IZUMO2: variants seen among roughly 807,000 people sequenced by gnomAD.
IZUMO2 encodes IZUMO family member 2, also known as izumo sperm-egg fusion protein 2.
IZUMO2 carries 24 observed loss-of-function variants against 31.2 expected under a neutral mutation model. That is an observed-to-expected ratio of 0.77 (90% CI 0.56 to 1.08). The LOEUF (loss-of-function observed/expected upper bound fraction) is 1.08, where lower values mean the gene tolerates loss of function less well. IZUMO2 is among the 50% of genes least tolerant of loss of function. IZUMO2 has a pLI of 0.00. For synonymous variants in IZUMO2, 144 were observed against 117.3 expected, an observed-to-expected ratio of 1.23 and a Z score of -1.47; for missense variants, 278 against 274.0, an observed-to-expected ratio of 1.01 and a Z score of -0.10.
In IZUMO2 at chr19:50,154,264, G is replaced by GTTTTTTTGTTTTTTTTTTTTTT. The variant is rs2030129784; in HGVS notation, c.623+335_623+336insAAAAAAAAAAAAAACAAAAAAA. 7.6e-5 allele frequency among the ~76,000 whole-genome samples: 6 copies of GTTTTTTTGTTTTTTTTTTTTTT among 79,280 alleles called. 3 individuals are homozygous for GTTTTTTTGTTTTTTTTTTTTTT. Among genetic ancestry groups the GTTTTTTTGTTTTTTTTTTTTTT allele is most frequent in the African/African-American group, 2.8e-4 (6 of 21,566 alleles). 52.0% of individuals were successfully genotyped at this position (79,280 alleles called of 152,430 possible). A position where few individuals can be genotyped will look rare whatever the true frequency, so the allele number is the denominator to read the frequency against. ...GCATCCACCAAATATAACTTTTAGC[G>GTTTTTTTGTTTTTTTTTTTTTT]TTTTTTTTTTTTTTTTTTTTTTTTT... is the stretch of plus-strand genomic sequence containing the variant. On this transcript the variant is annotated intron_variant, in intron 6 of 6. Transcript: ENST00000293405.
Position 50,162,814 on chromosome 19 carries a change from C to T in IZUMO2, c.233-1G>A. The T allele has an allele frequency of 6.2e-7, 1 of 1,613,654 alleles. No homozygotes were observed. Among genetic ancestry groups the T allele is most frequent in the Non-Finnish European group, 8.5e-7 (1 of 1,179,906 alleles). ...GCCACAAGGTCCAGTTGATTTGTCT[C>T]TGGGGGGAGAAGGGAGAGGACACTC... On this transcript the variant is annotated splice_acceptor_variant, in intron 1 of 6. Transcript: ENST00000293405. LOFTEE classifies it high-confidence loss of function.
chr19:50,159,502 T>A lies in IZUMO2; in HGVS notation c.386A>T (p.Glu129Val). 1 of 1,607,764 alleles carries A rather than the reference T, an allele frequency of 6.2e-7. No individual in the cohort carries two copies. Among genetic ancestry groups the A allele is most frequent in the South Asian group, 1.1e-5 (1 of 90,898 alleles). Residue 129 changes from glutamate to valine, a missense_variant, in exon 3 of 7, where the codon GAA (glutamate) becomes GTA (valine). Coordinates refer to ENST00000293405, the MANE Select transcript of IZUMO2 (RefSeq NM_152358.3). ...GGAGAGATATGCTGCACCTTTTAAT[T>A]CATATGAAATTAAAACTTTCTTGAA... is the stretch of plus-strand genomic sequence containing the variant. ...KEFKKVLISY[E>V]LKACNPKLCR...
In IZUMO2 at chr19:50,159,581, C is replaced by A; in HGVS notation, c.308-1G>T. On this transcript the variant is annotated splice_acceptor_variant, in intron 2 of 6. Coordinates refer to ENST00000293405, the MANE Select transcript of IZUMO2 (RefSeq NM_152358.3). LOFTEE classifies it high-confidence loss of function. ...ACCAGCTCTTCCAGCAGAGGCTCATCTGAGGAGAGAAAGAGATCTCTGTGG... is the reference window on the plus strand; with the variant it reads ...ACCAGCTCTTCCAGCAGAGGCTCATATGAGGAGAGAAAGAGATCTCTGTGG... The A allele has an allele frequency of 6.2e-7, 1 of 1,607,982 alleles. No individual in the cohort carries two copies. Among genetic ancestry groups the A allele is most frequent in the Non-Finnish European group, 8.5e-7 (1 of 1,174,590 alleles).
rs1442401544 is a variant in IZUMO2 at position 50,163,236 on chromosome 19, C to CAGG, written c.-43_-42insCCT. 6.7e-7 allele frequency: 1 copy of CAGG among 1,487,530 alleles called. No homozygotes were observed. Among genetic ancestry groups the CAGG allele is most frequent in the Non-Finnish European group, 9.1e-7 (1 of 1,098,310 alleles). 92.1% of individuals were successfully genotyped at this position (1,487,530 alleles called of 1,614,324 possible). The stretch of plus-strand genomic sequence containing the variant: ...CGTCACAGAGAGAACCCGGCCCGCC[C>CAGG]CGCCTCCCAGGCGAGGGCGCGGTCA... On this transcript the variant is annotated 5_prime_UTR_variant, in exon 1 of 7. Transcript: ENST00000293405.
chr19:50,152,767 C>T, intron 6 of IZUMO2, 116 bp from the exon 7 acceptor site: 1 of 887,576 alleles, frequency 1.1e-6, no homozygotes, highest in Non-Finnish European at 1.9e-6. Context: ...TGATTTGGCT[C>T]ATCCAGTGAC....
intron 6 of IZUMO2, 76 bp downstream of exon 6, chr19:50,154,524 C>T: frequency 7.5e-7 from 1 of 1,335,474 alleles, no homozygotes; most frequent in Non-Finnish European, 1.0e-6. Flanking sequence ...CACAGTGACC[C>T]ATCCAGGGGA....
intron 2 of IZUMO2, chr19:50,159,851 T>A (rs2030337821): frequency 3.7e-6 from 1 of 273,714 alleles, no homozygotes; most frequent in African/African-American, 2.3e-5. Flanking sequence ...CTCCTCTTCT[T>A]TTTTTTTTCT....
At chr19:50,152,914 G>A (rs1961579976) in intron 6 of IZUMO2, among the ~76,000 whole-genome samples, 1 of 152,134 alleles carries the variant, frequency 6.6e-6, no homozygotes, top group African/African-American at 2.4e-5. Context: ...AGGAGACACA[G>A]GCAGAAATGG....
In IZUMO2 at chr19:50,154,655, C is replaced by T. The variant is rs2030154102; in HGVS notation, c.568G>A (p.Gly190Ser). Residue 190 changes from glycine to serine, a missense_variant, in exon 6 of 7, where the codon GGC becomes AGC. Gly to Ser is a moderately conservative substitution (Grantham distance 56). Transcript: ENST00000293405. ...GCCAGAGACACAGAAATGAGGATGC[C>T]CAACAGCGCCTGGTTCCTCGGGTAT... ...SKYPRNQALL[G>S]ILISVSLAVF... 9.3e-6 allele frequency: 15 copies of T among 1,613,992 alleles called. No individual in the cohort carries two copies. Among genetic ancestry groups the T allele is most frequent in the Non-Finnish European group, 1.3e-5 (15 of 1,179,986 alleles).
chr19:50,156,256 G>C (rs1332151837), intron 5 of IZUMO2, among the ~76,000 whole-genome samples: 12 of 152,152 alleles, frequency 7.9e-5, no homozygotes, highest in African/African-American at 2.4e-5. Flanking sequence ...TCATAATGGG[G>C]AGGGAGATGC....
chr19:50,154,011 G>C lies in IZUMO2; in HGVS notation c.623+589C>G, dbSNP rs556736229. ...AGAGAGGGGCCGGAGAAGGGGCTGGGGGGGAGGGGGAGGGCACAAGCATAA... is the reference window on the plus strand; with the variant it reads ...AGAGAGGGGCCGGAGAAGGGGCTGGCGGGGAGGGGGAGGGCACAAGCATAA... On this transcript the variant is annotated intron_variant, in intron 6 of 6. Transcript: ENST00000293405. 3.1e-3 allele frequency among the ~76,000 whole-genome samples: 460 copies of C among 146,068 alleles called. 2 individuals are homozygous for C. The highest frequency in any genetic ancestry group is 1.0e-2 in the African/African-American group (391 of 39,288).
rs369102625 is a variant in IZUMO2, at chr19:50,159,534, G to T, written c.354C>A (p.Ile118=). 2.5e-4 allele frequency: 397 copies of T among 1,613,172 alleles called. No homozygotes were observed. Among genetic ancestry groups the T allele is most frequent in the Non-Finnish European group, 3.0e-4 (351 of 1,179,390 alleles). The part of the protein sequence containing the change: ...EELVTLRANV[I]KEFKKVLISY... ...AAATTAAAACTTTCTTGAATTCCTT[G>T]ATCACATTCGCCCTGAGGGTCACCA... The change falls in exon 3 of 7, where the codon ATC becomes ATA. Residue 118 remains isoleucine, a synonymous_variant. Transcript: ENST00000293405.
At chr19:50,155,918 C>T (rs1330347985) in intron 5 of IZUMO2, among the ~76,000 whole-genome samples, 6 of 152,230 alleles carry the variant, frequency 3.9e-5, no homozygotes, top group African/African-American at 1.4e-4. Context: ...TCTGGCCACA[C>T]TGGCCTTCTC....
rs1396551601 is a variant in IZUMO2 at position 50,154,613 on chromosome 19, C to G, written c.610G>C (p.Val204Leu). ...AGGATGACTCACGAGACCACGATGACCACGAAGACAAAGACAGCCAGAGAC... is the reference window on the plus strand; with the variant it reads ...AGGATGACTCACGAGACCACGATGAGCACGAAGACAAAGACAGCCAGAGAC... ...SVSLAVFVFVVIVVSACTYRQ... is the reference protein window; with the variant it reads ...SVSLAVFVFVLIVVSACTYRQ... Residue 204 changes from valine to leucine, a missense_variant, in exon 6 of 7, where the codon GTC becomes CTC. Transcript: ENST00000293405. The G allele has an allele frequency of 6.2e-7, 1 of 1,613,958 alleles. No individual in the cohort carries two copies.
chr19:50,154,460 G>C (rs901538126), intron 6 of IZUMO2, 140 bp downstream of exon 6: 3 of 708,956 alleles, frequency 4.2e-6, no homozygotes, highest in Non-Finnish European at 6.9e-6. Flanking sequence ...GAGAGAGACA[G>C]AGAGAAAAAG....
rs1414976605 is a variant in IZUMO2, at chr19:50,159,590, G to A, written c.308-10C>T. 1 of 1,595,974 alleles carries A rather than the reference G, an allele frequency of 6.3e-7. No individual in the cohort carries two copies. The highest frequency in any genetic ancestry group is 1.7e-5 in the Admixed American group (1 of 59,976). On this transcript the variant is annotated splice_polypyrimidine_tract_variant and intron_variant, in intron 2 of 6. Coordinates refer to ENST00000293405, the MANE Select transcript of IZUMO2 (RefSeq NM_152358.3). ...TCCAGCAGAGGCTCATCTGAGGAGA[G>A]AAAGAGATCTCTGTGGGGTGGGAGG...
At chr19:50,159,720 C>G (rs754272016) in intron 2 of IZUMO2, 140 bp from the exon 3 acceptor site, 24 of 616,824 alleles carry the variant, frequency 3.9e-5, no homozygotes, top group Non-Finnish European at 5.2e-5. Context: ...TAAGGGTCCC[C>G]CAGGCAAATC....
At chr19:50,154,008 TG>T (rs1031824693) in intron 6 of IZUMO2, among the ~76,000 whole-genome samples, 4 of 2,404 alleles carry the variant, frequency 1.7e-3, no homozygotes, top group Non-Finnish European at 3.2e-3. Context: ...GAGAAGGGGC[TG>T]GGGGGGAGGG....
intron 5 of IZUMO2, among the ~76,000 whole-genome samples, chr19:50,157,318 T>C (rs532906645): frequency 0.017 from 2,640 of 150,880 alleles, 74 homozygotes; most frequent in African/African-American, 0.061. Context: ...TTTTTTTTTT[T>C]TTGAGATGGA....
Sources: allele counts gnomAD v4.1 joint callset (sites outside exome capture counted in the v4.1 genomes callset), GRCh38; gene constraint gnomAD v4.1.1; transcripts MANE v1.5; gene names NCBI Gene and HGNC (gene_info 2026-07-23, HGNC 2026-07-21).